GRID2: variants seen among roughly 807,000 people sequenced by gnomAD.
The protein encoded by GRID2 is glutamate ionotropic receptor delta type subunit 2.
A neutral mutation model predicts 114.8 loss-of-function variants in GRID2; 33 were observed. The ratio of observed to expected loss-of-function variants is 0.29; its 90% CI spans 0.22 to 0.38. The LOEUF (loss-of-function observed/expected upper bound fraction) is 0.38, where lower values mean the gene tolerates loss of function less well. GRID2 is among the 10% of genes least tolerant of loss of function. The probability of loss-of-function intolerance (pLI) is 1.00; values close to 1 mark genes in which losing one functional copy is unlikely to be tolerated. For missense variants in GRID2, 1,184 were observed against 1,257.7 expected (o/e 0.94, Z 0.89); for synonymous variants, 505 against 449.9 (o/e 1.12, Z -1.55).
At chr4:92,410,416 T>A (rs1483545097) in intron 1 of GRID2, among the ~76,000 whole-genome samples, 1 of 152,222 alleles carries the variant, frequency 6.6e-6, no homozygotes, top group African/African-American at 2.4e-5. Flanking sequence ...GAGATACAAT[T>A]CATATATCCA....
At chr4:92,984,876 G>A (rs1220176689) in intron 2 of GRID2, among the ~76,000 whole-genome samples, 5 of 151,602 alleles carry the variant, frequency 3.3e-5, no homozygotes, top group Admixed American at 3.3e-4. Context: ...GGATTATACA[G>A]TATGGGCAAT....
At chr4:93,098,570 T>G (rs1291313295) in intron 3 of GRID2, among the ~76,000 whole-genome samples, 1 of 151,972 alleles carries the variant, frequency 6.6e-6, no homozygotes, top group Non-Finnish European at 1.5e-5. Flanking sequence ...TATTCTCTTT[T>G]GAGAGTACTG....
At chr4:93,412,799 A>G (rs538678639) in intron 9 of GRID2, among the ~76,000 whole-genome samples, 1 of 151,862 alleles carries the variant, frequency 6.6e-6, no homozygotes, top group Admixed American at 6.6e-5. Flanking sequence ...CCCTGTGTCC[A>G]TGTGTTCCCA....
intron 2 of GRID2, among the ~76,000 whole-genome samples, chr4:93,009,728 T>C (rs1319503792): frequency 6.6e-6 from 1 of 152,078 alleles, no homozygotes; most frequent in Non-Finnish European, 1.5e-5. Context: ...GAGACCTTGG[T>C]TTCTCTGATT....
At chr4:92,829,689 C>A (rs1741966786) in intron 2 of GRID2, among the ~76,000 whole-genome samples, 1 of 152,028 alleles carries the variant, frequency 6.6e-6, no homozygotes, top group East Asian at 1.9e-4. Flanking sequence ...ACCCAAATGC[C>A]CATCAATGAT....
At chr4:92,878,262 C>A (rs112913653) in intron 2 of GRID2, among the ~76,000 whole-genome samples, 4 of 152,084 alleles carry the variant, frequency 2.6e-5, no homozygotes, top group South Asian at 2.1e-4. Flanking sequence ...GTGTAGGAGG[C>A]GGTTTTACTC....
chr4:93,456,000 A>G, intron 11 of GRID2, 26 bp downstream of exon 11: 2 of 1,332,962 alleles, frequency 1.5e-6, no homozygotes, highest in South Asian at 2.4e-5. Context: ...ACATTCTAGT[A>G]TTTAAAAAAA....
intron 2 of GRID2, among the ~76,000 whole-genome samples, chr4:92,740,713 TA>T (rs11316576): frequency 1.1e-5 from 1 of 88,446 alleles, no homozygotes; most frequent in East Asian, 4.7e-4. Context: ...GATAGATAGA[TA>T]GATAGATAGA....
chr4:93,583,172 CAT>C (rs1196513917), intron 13 of GRID2, among the ~76,000 whole-genome samples: 1 of 152,186 alleles, frequency 6.6e-6, no homozygotes. Context: ...TCCTAATCTT[CAT>C]CCAGATCCTT....
intron 14 of GRID2, among the ~76,000 whole-genome samples, chr4:93,709,271 G>T: frequency 6.6e-6 from 1 of 152,194 alleles, no homozygotes; most frequent in East Asian, 1.9e-4. Context: ...TTGTAGGACA[G>T]GTCTGGTGCT....
intron 1 of GRID2, among the ~76,000 whole-genome samples, chr4:92,486,934 C>A (rs1281285020): frequency 6.6e-6 from 1 of 151,810 alleles, no homozygotes; most frequent in Admixed American, 6.6e-5. Context: ...TATGGCTTTT[C>A]TTCATTAGAT....
rs925129474 is a variant in GRID2, at chr4:93,685,741, C to T, written c.2360+59306C>T. Among the ~76,000 whole-genome samples the T allele has an allele frequency of 3.9e-5, 6 of 152,030 alleles. 1 individual carries two copies. The highest frequency in any genetic ancestry group is 2.1e-4 in the South Asian group (1 of 4,834). On this transcript the variant is annotated intron_variant, in intron 14 of 15. Transcript: ENST00000282020. Reference sequence around the variant, plus strand: ...CAACTTTTCTCTACCAAGTTTTAGACACTTATATCCATGTGATAAGGGAGC... The same window carrying T: ...CAACTTTTCTCTACCAAGTTTTAGATACTTATATCCATGTGATAAGGGAGC...
chr4:92,952,143 A>G (rs1022099429), intron 2 of GRID2, among the ~76,000 whole-genome samples: 18 of 152,196 alleles, frequency 1.2e-4, no homozygotes, highest in Non-Finnish European at 7.4e-5. Context: ...ATTTGTACCA[A>G]TGTGGACTTA....
intron 2 of GRID2, among the ~76,000 whole-genome samples, chr4:92,675,483 A>G (rs1173210346): frequency 6.6e-6 from 1 of 151,030 alleles, no homozygotes; most frequent in African/African-American, 2.4e-5. Flanking sequence ...AGGGACTCCA[A>G]ACTCCAATCA....
At chr4:93,058,606 G>A (rs1727487543) in intron 2 of GRID2, among the ~76,000 whole-genome samples, 1 of 151,782 alleles carries the variant, frequency 6.6e-6, no homozygotes, top group Non-Finnish European at 1.5e-5. Context: ...TTAAATCACT[G>A]TTTAAGGTAG....
intron 14 of GRID2, among the ~76,000 whole-genome samples, chr4:93,732,921 TAAA>T (rs67636690): frequency 6.9e-5 from 9 of 130,378 alleles, no homozygotes; most frequent in Admixed American, 6.7e-4. Context: ...CTTTAAAAAA[TAAA>T]AAAAAAAAAA....
At chr4:92,395,127 T>C (rs985001308) in intron 1 of GRID2, among the ~76,000 whole-genome samples, 2 of 151,622 alleles carry the variant, frequency 1.3e-5, no homozygotes, top group Non-Finnish European at 3.0e-5. Flanking sequence ...GTGTAGAATA[T>C]AGAGTTTGTT....
chr4:93,194,104 T>C (rs922868546), intron 4 of GRID2, among the ~76,000 whole-genome samples: 4 of 152,202 alleles, frequency 2.6e-5, no homozygotes, highest in African/African-American at 9.6e-5. Context: ...GAACCTGGAA[T>C]GGAATGTAAG....
intron 13 of GRID2, among the ~76,000 whole-genome samples, chr4:93,581,309 T>A (rs1736964018): frequency 6.6e-6 from 1 of 152,180 alleles, no homozygotes; most frequent in Admixed American, 6.5e-5. Flanking sequence ...TTATTATAAA[T>A]GGTTAATTAT....
Sources: gnomAD v4.1 joint callset for allele counts (sites outside exome capture counted in the v4.1 genomes callset) on GRCh38, gnomAD v4.1.1 for gene constraint, MANE v1.5 for transcripts, NCBI Gene and HGNC (gene_info 2026-07-23, HGNC 2026-07-21) for gene names.